MDGA2: variants seen among roughly 807,000 people sequenced by gnomAD.
MDGA2 encodes MAM domain containing glycosylphosphatidylinositol anchor 2, also known as MAM domain-containing glycosylphosphatidylinositol anchor protein 2.
A neutral mutation model predicts 117.8 loss-of-function variants in MDGA2; 40 were observed. The observed-to-expected ratio is 0.34, with a 90% confidence interval of 0.26 to 0.44. MDGA2 has a LOEUF of 0.44. Among genes scored for constraint, MDGA2 ranks in the 20% least tolerant of loss-of-function variants. The pLI is 1.00. For synonymous variants in MDGA2, 452 were observed against 439.0 expected, an observed-to-expected ratio of 1.03 and a Z score of -0.37; for missense variants, 1,123 against 1,250.6, an observed-to-expected ratio of 0.90 and a Z score of 1.54.
intron 1 of MDGA2, among the ~76,000 whole-genome samples, chr14:47,642,085 T>G (rs1306756151): frequency 6.6e-6 from 1 of 152,052 alleles, no homozygotes; most frequent in Non-Finnish European, 1.5e-5. Context: ...GGGGAGAAGA[T>G]TCTCTCCCTA....
At chr14:47,651,937 T>C (rs1263141198) in intron 1 of MDGA2, among the ~76,000 whole-genome samples, 1 of 152,172 alleles carries the variant, frequency 6.6e-6, no homozygotes, top group Non-Finnish European at 1.5e-5. Context: ...CAAATTAATG[T>C]TGATGCCTTT....
At chr14:47,588,676 T>C (rs2138855047) in intron 1 of MDGA2, among the ~76,000 whole-genome samples, 1 of 152,050 alleles carries the variant, frequency 6.6e-6, no homozygotes, top group Middle Eastern at 3.4e-3. Flanking sequence ...ATTTTTGAAG[T>C]TGTCCTTTCA....
chr14:46,933,005 A>C (rs941425506), intron 9 of MDGA2, among the ~76,000 whole-genome samples: 2 of 152,126 alleles, frequency 1.3e-5, no homozygotes, highest in African/African-American at 4.8e-5. Context: ...AAAATTAACA[A>C]TACAATATAA....
chr14:47,221,417 G>A (rs992467540), intron 2 of MDGA2, among the ~76,000 whole-genome samples: 6 of 152,136 alleles, frequency 3.9e-5, no homozygotes, highest in Admixed American at 1.3e-4. Flanking sequence ...GGCCGGGCAC[G>A]GTGGCTCACG....
intron 12 of MDGA2, 44 bp downstream of exon 12, chr14:46,877,445 A>T: frequency 9.2e-7 from 1 of 1,081,790 alleles, no homozygotes; most frequent in Non-Finnish European, 1.3e-6. Context: ...ATATTTTTGT[A>T]TTTATTAAAT....
intron 14 of MDGA2, among the ~76,000 whole-genome samples, chr14:46,857,588 G>A (rs996985103): frequency 1.3e-4 from 19 of 151,988 alleles, no homozygotes; most frequent in African/African-American, 4.1e-4. Context: ...GATTCATCTT[G>A]CTCAGGGTTA....
chr14:47,639,790 A>G (rs188848451), intron 1 of MDGA2, among the ~76,000 whole-genome samples: 2 of 152,280 alleles, frequency 1.3e-5, no homozygotes, highest in Admixed American at 6.5e-5. Flanking sequence ...TTAACACTGT[A>G]TAAGACTCCA....
At chr14:46,933,616 G>C (rs1884662738) in intron 9 of MDGA2, among the ~76,000 whole-genome samples, 7 of 150,982 alleles carry the variant, frequency 4.6e-5, no homozygotes, top group Admixed American at 4.6e-4. Flanking sequence ...AAGTTAATTT[G>C]ATTATTGTTA....
chr14:47,170,790 A>G (rs904846590), intron 3 of MDGA2, among the ~76,000 whole-genome samples: 1 of 152,222 alleles, frequency 6.6e-6, no homozygotes, highest in African/African-American at 2.4e-5. Context: ...ACATTTCTAT[A>G]GACTAATTTC....
intron 1 of MDGA2, among the ~76,000 whole-genome samples, chr14:47,496,915 T>G (rs1894293139): frequency 6.6e-6 from 1 of 151,992 alleles, no homozygotes; most frequent in Admixed American, 6.6e-5. Flanking sequence ...GATGAAACTG[T>G]TCCACCTCAG....
At chr14:47,537,598 A>ACTT (rs1895246861) in intron 1 of MDGA2, among the ~76,000 whole-genome samples, 1 of 145,048 alleles carries the variant, frequency 6.9e-6, no homozygotes, top group Non-Finnish European at 1.5e-5. Flanking sequence ...AAAAAAAAAA[A>ACTT]AAAAAAAAAA....
chr14:47,262,916 G>A (rs557341186), intron 2 of MDGA2, among the ~76,000 whole-genome samples: 1 of 152,216 alleles, frequency 6.6e-6, no homozygotes, highest in African/African-American at 2.4e-5. Context: ...TCTTTGGCAG[G>A]TAAATGTATC....
intron 7 of MDGA2, among the ~76,000 whole-genome samples, chr14:47,048,427 G>C (rs1003444136): frequency 3.9e-5 from 6 of 151,998 alleles, no homozygotes; most frequent in Non-Finnish European, 5.9e-5. Context: ...AATCCTCAAC[G>C]CAGAATGGCC....
At chr14:47,118,300 T>C (rs968120416) in intron 5 of MDGA2, among the ~76,000 whole-genome samples, 1 of 152,208 alleles carries the variant, frequency 6.6e-6, no homozygotes, top group African/African-American at 2.4e-5. Context: ...TTGAATAAGA[T>C]AATACTGTAA....
intron 2 of MDGA2, among the ~76,000 whole-genome samples, chr14:47,271,019 T>C (rs949537176): frequency 6.6e-6 from 1 of 152,166 alleles, no homozygotes; most frequent in South Asian, 2.1e-4. Flanking sequence ...GTTTGCCATT[T>C]TCTTTCCTGT....
At chr14:46,850,737 C>T (rs1881025317) in intron 15 of MDGA2, among the ~76,000 whole-genome samples, 1 of 151,810 alleles carries the variant, frequency 6.6e-6, no homozygotes, top group African/African-American at 2.4e-5. Context: ...CAAATATGAA[C>T]AGTGAGTTTA....
intron 1 of MDGA2, among the ~76,000 whole-genome samples, chr14:47,422,663 C>T (rs962778905): frequency 6.6e-6 from 1 of 152,030 alleles, no homozygotes; most frequent in African/African-American, 2.4e-5. Context: ...TCTCTAACTC[C>T]TTTCCTATTC....
At chr14:46,857,252 C>T (rs908566791) in intron 14 of MDGA2, among the ~76,000 whole-genome samples, 10 of 152,216 alleles carry the variant, frequency 6.6e-5, no homozygotes, top group Non-Finnish European at 1.2e-4. Context: ...GAGTTACAAT[C>T]TGGCACCCAT....
intron 6 of MDGA2, among the ~76,000 whole-genome samples, chr14:47,092,952 G>A (rs542066604): frequency 3.3e-5 from 5 of 152,126 alleles, no homozygotes; most frequent in African/African-American, 7.2e-5. Context: ...TGTATATATC[G>A]TCTAGGTAGA....
Sources: allele counts gnomAD v4.1 joint callset (sites outside exome capture counted in the v4.1 genomes callset), GRCh38; gene constraint gnomAD v4.1.1; transcripts MANE v1.5; gene names NCBI Gene and HGNC (gene_info 2026-07-23, HGNC 2026-07-21).